OSBPL9: variants seen among roughly 807,000 people sequenced by gnomAD.
OSBPL9 encodes oxysterol binding protein like 9.
In OSBPL9, 40 loss-of-function variants were observed where a neutral mutation model predicts 106.6. The ratio of observed to expected loss-of-function variants is 0.38; its 90% CI spans 0.29 to 0.49. The LOEUF is 0.49. Ranked by LOEUF, OSBPL9 falls within the 20% of genes least tolerant of loss-of-function variation. OSBPL9 has a pLI of 0.97. For missense variants in OSBPL9, 609 were observed against 887.2 expected (o/e 0.69, Z 3.98); for synonymous variants, 269 against 295.4 (o/e 0.91, Z 0.92).
chr1:51,530,193 C>CCCCT, the OSBPL9 span, among the ~76,000 whole-genome samples: 1 of 55,636 alleles, frequency 1.8e-5, no homozygotes, highest in African/African-American at 8.5e-5. Flanking sequence ...AAAAAAAAAA[C>CCCCT]AAAAAAAAAA....
At chr1:51,557,633 C>A in the OSBPL9 span, among the ~76,000 whole-genome samples, 1 of 152,200 alleles carries the variant, frequency 6.6e-6, no homozygotes, top group Non-Finnish European at 1.5e-5. Flanking sequence ...CCTGTGCTAT[C>A]CCACTTGAGT....
intron 2 of OSBPL9, among the ~76,000 whole-genome samples, chr1:51,657,723 TG>T (rs1557649651): frequency 6.6e-6 from 1 of 152,222 alleles, no homozygotes; most frequent in East Asian, 1.9e-4. Context: ...TCCTGTGGTC[TG>T]ATCCTCTCCC....
intron 2 of OSBPL9, among the ~76,000 whole-genome samples, chr1:51,606,415 T>C (rs1306360938): frequency 6.6e-6 from 1 of 152,186 alleles, no homozygotes; most frequent in Admixed American, 6.5e-5. Context: ...CTTGGAAAAA[T>C]GTAGTGAATT....
chr1:51,578,970 G>A (rs905395641), intron 1 of OSBPL9, among the ~76,000 whole-genome samples: 1 of 151,954 alleles, frequency 6.6e-6, no homozygotes, highest in African/African-American at 2.4e-5. Flanking sequence ...CTCTGTATCT[G>A]TACTTCCCAG....
At chr1:51,584,676 A>C (rs1292005137) in intron 1 of OSBPL9, among the ~76,000 whole-genome samples, 2 of 152,174 alleles carry the variant, frequency 1.3e-5, no homozygotes, top group African/African-American at 4.8e-5. Flanking sequence ...AGATCGCGCC[A>C]TTGCACTCCA....
intron 3 of OSBPL9, among the ~76,000 whole-genome samples, chr1:51,681,167 A>G (rs1652470625): frequency 6.6e-6 from 1 of 152,174 alleles, no homozygotes; most frequent in Admixed American, 6.5e-5. Flanking sequence ...CTTGGTAGGT[A>G]TTAGTGTGAG....
chr1:51,586,715 G>A (rs2148600320), intron 1 of OSBPL9, among the ~76,000 whole-genome samples: 1 of 152,342 alleles, frequency 6.6e-6, no homozygotes, highest in Non-Finnish European at 1.5e-5. Flanking sequence ...GGAAGCAGCA[G>A]AGGCTAATGT....
intron 1 of OSBPL9, among the ~76,000 whole-genome samples, chr1:51,592,394 C>T (rs1034886183): frequency 6.6e-6 from 1 of 152,122 alleles, no homozygotes; most frequent in Admixed American, 6.6e-5. Context: ...GGATTACAGG[C>T]GTGAGCCACT....
intron 15 of OSBPL9, among the ~76,000 whole-genome samples, chr1:51,778,981 C>T (rs1675687457): frequency 6.6e-6 from 1 of 152,094 alleles, no homozygotes; most frequent in African/African-American, 2.4e-5. Flanking sequence ...AGAAAATCTC[C>T]AATTATTTGG....
intron 1 of OSBPL9, among the ~76,000 whole-genome samples, chr1:51,590,576 C>A (rs1645269620): frequency 1.4e-5 from 2 of 144,880 alleles, no homozygotes; most frequent in African/African-American, 5.1e-5. Context: ...GCCGAGATCG[C>A]GCCATTGCAC....
chr1:51,772,811 G>T, intron 14 of OSBPL9, 88 bp downstream of exon 14: 1 of 921,944 alleles, frequency 1.1e-6, no homozygotes, highest in South Asian at 1.3e-5. Flanking sequence ...GTAGTAAAAT[G>T]ACATAATTTC....
chr1:51,591,791 AAGAGAC>A (rs1645276462), intron 1 of OSBPL9, among the ~76,000 whole-genome samples: 1 of 151,890 alleles, frequency 6.6e-6, no homozygotes, highest in Non-Finnish European at 1.5e-5. Flanking sequence ...GACTGAAAGA[AAGAGAC>A]AGAGAGAGAG....
At chr1:51,776,729 A>G in intron 14 of OSBPL9, 104 bp from the exon 15 acceptor site, 1 of 744,414 alleles carries the variant, frequency 1.3e-6, no homozygotes, top group South Asian at 1.8e-5. Context: ...TGTTACCATG[A>G]TTTGAATGAG....
At chr1:51,538,104 A>T in the OSBPL9 span, among the ~76,000 whole-genome samples, 1 of 152,146 alleles carries the variant, frequency 6.6e-6, no homozygotes, top group African/African-American at 2.4e-5. Flanking sequence ...CAGCCTGGCC[A>T]ACATGGCGAA....
At chr1:51,697,199 C>T (rs1204048448) in intron 3 of OSBPL9, among the ~76,000 whole-genome samples, 4 of 134,058 alleles carry the variant, frequency 3.0e-5, no homozygotes, top group Non-Finnish European at 4.9e-5. Flanking sequence ...AAGAAAAAAG[C>T]GTGAAGATAA....
chr1:51,753,833 T>G (rs547200052), intron 8 of OSBPL9, among the ~76,000 whole-genome samples: 1 of 152,244 alleles, frequency 6.6e-6, no homozygotes, highest in Admixed American at 6.5e-5. Context: ...TGGAGTCATT[T>G]GGAAATCAGT....
At chr1:51,587,974 T>C (rs1467804892) in intron 1 of OSBPL9, among the ~76,000 whole-genome samples, 1 of 152,250 alleles carries the variant, frequency 6.6e-6, no homozygotes, top group African/African-American at 2.4e-5. Flanking sequence ...ACATTAGCTG[T>C]ACAACCTTGG....
At chr1:51,750,245 A>T in intron 8 of OSBPL9, 50 bp downstream of exon 8, 1 of 1,376,696 alleles carries the variant, frequency 7.3e-7, no homozygotes. Context: ...TTCAAAAATT[A>T]TAATGGCGTT....
intron 12 of OSBPL9, among the ~76,000 whole-genome samples, chr1:51,769,693 T>C (rs1215541839): frequency 6.6e-6 from 1 of 152,248 alleles, no homozygotes; most frequent in African/African-American, 2.4e-5. Context: ...TTAACTGTTT[T>C]CTTTATATCA....
Sources: gnomAD v4.1 joint callset for allele counts (sites outside exome capture counted in the v4.1 genomes callset) on GRCh38, gnomAD v4.1.1 for gene constraint, MANE v1.5 for transcripts, NCBI Gene and HGNC (gene_info 2026-07-23, HGNC 2026-07-21) for gene names.